Variants in ANKHD1 observed in about 807,000 individuals in gnomAD.
ANKHD1 encodes the protein ankyrin repeat and KH domain-containing protein 1.
A neutral mutation model predicts 230.5 loss-of-function variants in ANKHD1; 31 were observed. That is an observed-to-expected ratio of 0.13 (90% confidence interval 0.10 to 0.18). ANKHD1 has a LOEUF of 0.18. Ranked by LOEUF, ANKHD1 falls within the 10% of genes least tolerant of loss-of-function variation. ANKHD1 has a pLI of 1.00. For missense variants in ANKHD1, 2,256 were observed against 3,071.3 expected (o/e 0.73, Z 6.27); for synonymous variants, 1,074 against 1,117.6 (o/e 0.96, Z 0.78).
Position 140,436,131 on chromosome 5 carries a change from G to T in ANKHD1, c.334G>T (p.Asp112Tyr), listed in dbSNP as rs764198990. 2.5e-6 allele frequency: 4 copies of T among 1,577,332 alleles called. No homozygotes were observed. The South Asian group carries it at 4.7e-5, about 19-fold the overall frequency. ...TGAATCATTTATTTTGGACCAAGAAGATCTGGATAACCCAGTGCTTAAAAC... is the reference window on the plus strand; with the variant it reads ...TGAATCATTTATTTTGGACCAAGAATATCTGGATAACCCAGTGCTTAAAAC... The part of the protein sequence containing the change: ...EVESFILDQE[D>Y]LDNPVLKTTS... The change falls in exon 2 of 34, where the codon GAT becomes TAT. Residue 112 changes from aspartate to tyrosine, a missense_variant. Asp to Tyr is a radical substitution (Grantham distance 160). Around this residue, in one of 13 missense-constraint regions of ANKHD1, gnomAD observed 193 missense variants for 185.8 expected, o/e 1.04. Coordinates refer to ENST00000360839, the MANE Select transcript of ANKHD1 (RefSeq NM_017747.3).
At chr5:140,452,080 G>T (rs192966058) in intron 7 of ANKHD1, among the ~76,000 whole-genome samples, 72 of 152,234 alleles carry the variant, frequency 4.7e-4, no homozygotes, top group African/African-American at 1.7e-3. Flanking sequence ...TATATCCCGC[G>T]CGTGGCTCAA....
chr5:140,429,743 A>C (rs909150176), intron 1 of ANKHD1, among the ~76,000 whole-genome samples: 2 of 152,224 alleles, frequency 1.3e-5, no homozygotes, highest in African/African-American at 2.4e-5. Context: ...TTAATTAGTT[A>C]TTGATCAATG....
chr5:140,419,854 TTTTCTTTCTTTTC>T (rs1245123530), intron 1 of ANKHD1, among the ~76,000 whole-genome samples: 28 of 140,528 alleles, frequency 2.0e-4, no homozygotes, highest in African/African-American at 7.2e-4. Context: ...CTCTTTCTTT[TTTTCTTTCTTTTC>T]TTTCTTTCTT....
At chr5:140,483,930 C>T (rs533296775) in intron 11 of ANKHD1, among the ~76,000 whole-genome samples, 1 of 152,248 alleles carries the variant, frequency 6.6e-6, no homozygotes, top group Admixed American at 6.5e-5. Flanking sequence ...CTCTGGAGTT[C>T]TCTTATGTTT....
At chr5:140,429,090 A>ATTT (rs373838876) in intron 1 of ANKHD1, among the ~76,000 whole-genome samples, 7 of 109,554 alleles carry the variant, frequency 6.4e-5, no homozygotes, top group African/African-American at 7.0e-5. Context: ...CCGGCCTAGA[A>ATTT]TTTTTTTTTT....
At chr5:140,491,915 T>C (rs1751826031) in intron 14 of ANKHD1, among the ~76,000 whole-genome samples, 2 of 152,144 alleles carry the variant, frequency 1.3e-5, no homozygotes, top group Non-Finnish European at 2.9e-5. Context: ...CAGAAGAAAA[T>C]TCTTAAGCAT....
chr5:140,418,753 C>A (rs1771612095), intron 1 of ANKHD1, among the ~76,000 whole-genome samples: 1 of 152,092 alleles, frequency 6.6e-6, no homozygotes, highest in Non-Finnish European at 1.5e-5. Context: ...GCTTTTGAGT[C>A]CGAGTCTTGC....
intron 29 of ANKHD1, 140 bp from the exon 30 acceptor site, chr5:140,535,222 C>A: frequency 7.6e-7 from 1 of 1,311,930 alleles, no homozygotes; most frequent in Non-Finnish European, 1.0e-6. Context: ...TTGCTGTGGT[C>A]TATGAAAATG....
chr5:140,485,343 G>T lies in ANKHD1; in HGVS notation c.1998+95G>T. On this transcript the variant is annotated intron_variant, in intron 12 of 33. Coordinates refer to ENST00000360839, the MANE Select transcript of ANKHD1 (RefSeq NM_017747.3). This position sits in a 1 kb window ranked among gnomAD's most constrained non-coding sequence, Gnocchi z 4.8. ...AAGCTGAGGCGGGTGGATCACTTGAGCCCAGGAGTTTGAGACTAGTCTAGG... is the reference window on the plus strand; with the variant it reads ...AAGCTGAGGCGGGTGGATCACTTGATCCCAGGAGTTTGAGACTAGTCTAGG... 1.4e-6 allele frequency: 2 copies of T among 1,469,830 alleles called. No homozygotes were observed. Among genetic ancestry groups the T allele is most frequent in the Non-Finnish European group, 9.0e-7 (1 of 1,109,800 alleles). The allele number at this position is 1,469,830 out of a possible 1,614,324, so 91.0% of individuals were successfully genotyped here. A position where few individuals can be genotyped will look rare whatever the true frequency, so the allele number is the denominator to read the frequency against.
chr5:140,432,757 G>C (rs1429046749), intron 1 of ANKHD1, among the ~76,000 whole-genome samples: 4 of 151,876 alleles, frequency 2.6e-5, no homozygotes, highest in Non-Finnish European at 5.9e-5. Flanking sequence ...CATCCACATG[G>C]AATACAGTCG....
chr5:140,409,254 G>A (rs1770728938), intron 1 of ANKHD1, among the ~76,000 whole-genome samples: 1 of 152,116 alleles, frequency 6.6e-6, no homozygotes, highest in Non-Finnish European at 1.5e-5. Flanking sequence ...GGTACTGAAA[G>A]GTTTAATATA....
At chr5:140,505,542 A>C (rs1021029633) in intron 17 of ANKHD1, among the ~76,000 whole-genome samples, 182 bp from the exon 18 acceptor site, 5 of 152,160 alleles carry the variant, frequency 3.3e-5, no homozygotes, top group Non-Finnish European at 7.3e-5. Context: ...TAGTTTTTTA[A>C]TTAGGTGTTT....
intron 14 of ANKHD1, among the ~76,000 whole-genome samples, chr5:140,493,792 A>T (rs1046065726): frequency 6.6e-6 from 1 of 152,158 alleles, no homozygotes; most frequent in Admixed American, 6.5e-5. Flanking sequence ...AATTACTCTT[A>T]GTAATCTTGT....
intron 10 of ANKHD1, among the ~76,000 whole-genome samples, chr5:140,470,491 A>C (rs1776409429): frequency 2.0e-5 from 3 of 148,906 alleles, no homozygotes; most frequent in South Asian, 4.2e-4. Context: ...GGTCTCCCTC[A>C]TCTCGCTTGT....
At chr5:140,490,783 G>C (rs1751737556) in intron 14 of ANKHD1, among the ~76,000 whole-genome samples, 1 of 152,000 alleles carries the variant, frequency 6.6e-6, no homozygotes, top group Non-Finnish European at 1.5e-5. Flanking sequence ...AAGCCCTCCT[G>C]AGGAGTAATT....
rs771405517 is a variant in ANKHD1, at chr5:140,402,172, G to T, written c.205G>T (p.Gly69Cys). The T allele has an allele frequency of 6.5e-7, 1 of 1,529,484 alleles. No homozygotes were observed. The highest frequency in any genetic ancestry group is 8.7e-7 in the Non-Finnish European group (1 of 1,143,232). The allele number at this position is 1,529,484 out of a possible 1,614,324, so 94.7% of individuals were successfully genotyped here. The change falls in exon 1 of 34, where the codon GGC becomes TGC. Residue 69 changes from glycine to cysteine, a missense_variant. By Grantham distance (159) the Gly-to-Cys change is radical. Coordinates refer to ENST00000360839, the MANE Select transcript of ANKHD1 (RefSeq NM_017747.3). ...CGGCGGCGGCAGCGGCAGCGGTACG[G>T]GCGGAGGGGACGCGGCGCTGGATTT... ...SGGGGSGSGT[G>C]GGDAALDFKL... is the part of the protein sequence containing the mutation.
At chr5:140,469,009 T>C (rs2126990675) in intron 10 of ANKHD1, among the ~76,000 whole-genome samples, 1 of 152,310 alleles carries the variant, frequency 6.6e-6, no homozygotes. Flanking sequence ...TCAAAAATCC[T>C]GAACCAGTGT....
At chr5:140,428,950 T>A (rs577558764) in intron 1 of ANKHD1, among the ~76,000 whole-genome samples, 1 of 151,032 alleles carries the variant, frequency 6.6e-6, no homozygotes, top group East Asian at 2.0e-4. Context: ...GTCTGGCAAA[T>A]TTTTTTTGTA....
intron 10 of ANKHD1, chr5:140,472,283 G>A (rs750261487): frequency 1.9e-5 from 31 of 1,613,466 alleles, no homozygotes; most frequent in South Asian, 4.4e-5. Context: ...GCATAGATCC[G>A]GCCAAGCATC....
Sources: gnomAD v4.1 joint callset for allele counts (sites outside exome capture counted in the v4.1 genomes callset) on GRCh38, gnomAD v4.1.1 for gene constraint, gnomAD v4.1.1 regional missense constraint, Gnocchi (gnomAD v3.1) non-coding constraint, MANE v1.5 for transcripts, NCBI Gene and HGNC (gene_info 2026-07-23, HGNC 2026-07-21) for gene names.